GRIK1: variants seen among roughly 807,000 people sequenced by gnomAD.
The protein encoded by GRIK1 is glutamate ionotropic receptor kainate type subunit 1, also known as glutamate receptor ionotropic, kainate 1.
In GRIK1, 69 loss-of-function variants were observed where a neutral mutation model predicts 105.7. The ratio of observed to expected loss-of-function variants is 0.65; its 90% CI spans 0.54 to 0.80. GRIK1 has a LOEUF of 0.80. GRIK1 is among the 30% of genes least tolerant of loss of function. The probability of loss-of-function intolerance (pLI) is 0.00; values close to 1 mark genes in which losing one functional copy is unlikely to be tolerated. For missense variants in GRIK1, 1,109 were observed against 1,167.3 expected, an observed-to-expected ratio of 0.95 and a Z score of 0.73; for synonymous variants, 438 against 431.3, an observed-to-expected ratio of 1.02 and a Z score of -0.19.
At chr21:29,580,045 G>GTATATATGTGTATATATGTA (rs1568843283) in intron 13 of GRIK1, among the ~76,000 whole-genome samples, 11 of 141,988 alleles carry the variant, frequency 7.7e-5, no homozygotes, top group African/African-American at 1.8e-4. Context: ...GTGTATATAT[G>GTATATATGTGTATATATGTA]TATATATGTA....
In GRIK1 at chr21:29,564,546, C is replaced by T. The variant is rs189891104; in HGVS notation, c.2131-2697G>A. ...AAAACAAAGTCAATGTTTAGTTCAT[C>T]CACGGTAAATGGAGAAAGTGTGGGG... On this transcript the variant is annotated intron_variant, in intron 14 of 17. Coordinates refer to ENST00000327783, the MANE Select transcript of GRIK1 (RefSeq NM_001330994.2). 1.2e-3 allele frequency among the ~76,000 whole-genome samples: 186 copies of T among 152,296 alleles called. 3 individuals are homozygous for T. Among genetic ancestry groups the T allele is most frequent in the Admixed American group, 0.01 (158 of 15,296 alleles).
intron 1 of GRIK1, among the ~76,000 whole-genome samples, chr21:29,929,816 G>C (rs1044552986): frequency 2.0e-5 from 3 of 152,120 alleles, no homozygotes; most frequent in Admixed American, 6.6e-5. Flanking sequence ...ACACTTCTAG[G>C]TATATATCCA....
chr21:29,791,639 A>G (rs1254652913), intron 1 of GRIK1, among the ~76,000 whole-genome samples: 1 of 152,136 alleles, frequency 6.6e-6, no homozygotes, highest in African/African-American at 2.4e-5. Context: ...AAAGAAGGAA[A>G]ATTTATTCTT....
chr21:29,685,043 C>T (rs1227912307), intron 3 of GRIK1, among the ~76,000 whole-genome samples: 3 of 152,102 alleles, frequency 2.0e-5, no homozygotes, highest in Non-Finnish European at 2.9e-5. Flanking sequence ...TGTCTGCCTG[C>T]CTGCCTGCCT....
chr21:29,883,994 G>T (rs906480058), intron 1 of GRIK1, among the ~76,000 whole-genome samples: 1 of 151,872 alleles, frequency 6.6e-6, no homozygotes, highest in African/African-American at 2.4e-5. Context: ...AAGAAGGGGG[G>T]GATGCTTTAT....
intron 6 of GRIK1, among the ~76,000 whole-genome samples, chr21:29,644,061 A>C (rs1391040177): frequency 6.6e-6 from 1 of 152,114 alleles, no homozygotes; most frequent in Non-Finnish European, 1.5e-5. Flanking sequence ...TAAACCTAGA[A>C]TCTAGGTCAT....
chr21:29,640,161 T>TAAA (rs11341269), intron 7 of GRIK1, among the ~76,000 whole-genome samples: 1 of 146,750 alleles, frequency 6.8e-6, no homozygotes, highest in Non-Finnish European at 1.5e-5. Context: ...GAGAATAACT[T>TAAA]AAAAAAAAAA....
intron 16 of GRIK1, among the ~76,000 whole-genome samples, chr21:29,548,339 T>TTGATTTTCTTAGAAAAAGCAAAAA (rs1197854410): frequency 6.6e-6 from 1 of 152,218 alleles, no homozygotes. Context: ...CTTAGAAAAT[T>TTGATTTTCTTAGAAAAAGCAAAAA]TGATTTTCTT....
intron 1 of GRIK1, among the ~76,000 whole-genome samples, chr21:29,728,355 A>G (rs933118): frequency 0.092 from 13,994 of 152,232 alleles, 740 homozygotes; most frequent in African/African-American, 0.13. Context: ...AAGGTCAGCA[A>G]GGCTCAGTGA....
intron 1 of GRIK1, among the ~76,000 whole-genome samples, chr21:29,742,429 G>C (rs188254672): frequency 6.6e-6 from 1 of 152,276 alleles, no homozygotes; most frequent in East Asian, 1.9e-4. Context: ...CCTGGACCCA[G>C]AACAACACTG....
chr21:29,937,646 G>T (rs1003097433), intron 1 of GRIK1, among the ~76,000 whole-genome samples: 1 of 152,208 alleles, frequency 6.6e-6, no homozygotes, highest in Non-Finnish European at 1.5e-5. Context: ...GTTATACAGG[G>T]ATGAGGAACA....
At chr21:29,888,198 T>TTTCTTTCTTTTTTCTTTCTTTCTTTCTTC (rs1555905563) in intron 1 of GRIK1, among the ~76,000 whole-genome samples, 1 of 38,236 alleles carries the variant, frequency 2.6e-5, no homozygotes, top group Non-Finnish European at 6.2e-5. Flanking sequence ...TCTTTCTTTC[T>TTTCTTTCTTTTTTCTTTCTTTCTTTCTTC]CTCTCTCTCT....
intron 1 of GRIK1, among the ~76,000 whole-genome samples, chr21:29,898,972 C>CAAA (rs35671611): frequency 0.22 from 32,362 of 145,022 alleles, 3,942 homozygotes; most frequent in African/African-American, 0.34. Context: ...AACTCCGTCT[C>CAAA]AAAAAAAAAA....
chr21:29,555,052 C>T lies in GRIK1; in HGVS notation c.2607G>A (p.Gln869=), dbSNP rs1390699469. 6.2e-7 allele frequency: 1 copy of T among 1,606,942 alleles called. No homozygotes were observed. Among genetic ancestry groups the T allele is most frequent in the African/African-American group, 1.3e-5 (1 of 74,722 alleles). ...CCAGTCCTAGAAAGAGATGACTCAC[C>T]TGTTCAATATCATTATTCTTCCGTG... ...YKSRKNNDIE[Q]KGKSSRIRFY... The change falls in exon 16 of 18, where the codon CAG becomes CAA. Residue 869 remains glutamine, a splice_region_variant and synonymous_variant. Transcript: ENST00000327783.
intron 1 of GRIK1, among the ~76,000 whole-genome samples, chr21:29,859,306 A>G (rs1291089538): frequency 9.2e-5 from 14 of 152,042 alleles, no homozygotes; most frequent in Non-Finnish European, 2.9e-5. Flanking sequence ...GCACATGTAT[A>G]TATATGTAAC....
chr21:29,939,490 C>G lies in GRIK1; in HGVS notation c.11G>C (p.Gly4Ala). 1 of 1,577,944 alleles carries G rather than the reference C, an allele frequency of 6.3e-7. No individual in the cohort carries two copies. The highest frequency in any genetic ancestry group is 8.6e-7 in the Non-Finnish European group (1 of 1,161,348). MEH[G>A]TLLAQPGLWT... ...GAGCCCGGGCTGGGCGAGGAGTGTG[C>G]CGTGCTCCATCTTCCTAGCTTCTTA... The change falls in exon 1 of 18, where the codon GGC becomes GCC. Residue 4 changes from glycine (G) to alanine (A), a missense_variant. Physicochemically the swap from Gly to Ala is moderately conservative, Grantham distance 60. Coordinates refer to ENST00000327783, the MANE Select transcript of GRIK1 (RefSeq NM_001330994.2).
At chr21:29,660,021 A>G (rs1381461896) in intron 4 of GRIK1, among the ~76,000 whole-genome samples, 1 of 152,164 alleles carries the variant, frequency 6.6e-6, no homozygotes, top group Non-Finnish European at 1.5e-5. Context: ...CCTCACTGCC[A>G]GCTGCCTCTT....
At chr21:29,593,205 A>C (rs2061357489) in intron 9 of GRIK1, among the ~76,000 whole-genome samples, 1 of 152,164 alleles carries the variant, frequency 6.6e-6, no homozygotes, top group African/African-American at 2.4e-5. Context: ...GTATAGGTAA[A>C]TGGGGGAATG....
chr21:29,782,544 C>T (rs2145786025), intron 1 of GRIK1, among the ~76,000 whole-genome samples: 1 of 152,276 alleles, frequency 6.6e-6, no homozygotes, highest in African/African-American at 2.4e-5. Flanking sequence ...CTAGGATTCT[C>T]TTTGGTCCAC....
Sources: allele counts gnomAD v4.1 joint callset (sites outside exome capture counted in the v4.1 genomes callset), GRCh38; gene constraint gnomAD v4.1.1; transcripts MANE v1.5; gene names NCBI Gene and HGNC (gene_info 2026-07-23, HGNC 2026-07-21).